The following C12orf42 variants were observed in gnomAD, a reference collection of about 807,000 sequenced individuals.
The protein encoded by C12orf42 is chromosome 12 open reading frame 42.
In C12orf42, 25 loss-of-function variants were observed where a neutral mutation model predicts 21.6. The observed-to-expected ratio is 1.16, with a 90% CI of 0.84 to 1.62. The LOEUF is 1.62. Ranked by LOEUF, C12orf42 falls within the 40% of genes most tolerant of loss-of-function variation. C12orf42 has a pLI of 0.00. For synonymous variants in C12orf42, 174 were observed against 175.0 expected, an observed-to-expected ratio of 0.99 and a Z score of 0.05; for missense variants, 483 against 459.3, an observed-to-expected ratio of 1.05 and a Z score of -0.47.
chr12:103,335,034 T>C (rs966543627), intron 4 of C12orf42, among the ~76,000 whole-genome samples: 11 of 152,222 alleles, frequency 7.2e-5, no homozygotes, highest in Admixed American at 3.9e-4. Context: ...GTATGTTTCA[T>C]TGCTTTGTTT....
At chr12:103,329,416 A>T (rs1382624148) in intron 4 of C12orf42, among the ~76,000 whole-genome samples, 1 of 152,160 alleles carries the variant, frequency 6.6e-6, no homozygotes, top group Non-Finnish European at 1.5e-5. Context: ...GCATTGGGAC[A>T]AATACCTAAT....
chr12:103,472,339 C>A (rs2137897659), intron 2 of C12orf42, among the ~76,000 whole-genome samples: 1 of 152,130 alleles, frequency 6.6e-6, no homozygotes, highest in South Asian at 2.1e-4. Context: ...CAGGCGTGAG[C>A]CACCGCACCC....
chr12:103,421,743 C>T (rs1276642892), intron 2 of C12orf42, among the ~76,000 whole-genome samples: 2 of 152,086 alleles, frequency 1.3e-5, no homozygotes, highest in Non-Finnish European at 2.9e-5. Flanking sequence ...TACCGTTGGG[C>T]TATAATTCCC....
the C12orf42 span, among the ~76,000 whole-genome samples, chr12:103,199,603 T>A: frequency 6.6e-6 from 1 of 152,138 alleles, no homozygotes; most frequent in Non-Finnish European, 1.5e-5. Flanking sequence ...AGAACTTCTA[T>A]AACTCAATAG....
intron 4 of C12orf42, among the ~76,000 whole-genome samples, chr12:103,352,817 T>TA (rs1478402923): frequency 6.6e-6 from 1 of 152,154 alleles, no homozygotes; most frequent in East Asian, 1.9e-4. Flanking sequence ...TAGGATTTTT[T>TA]ATGAGGATTA....
downstream of C12orf42, among the ~76,000 whole-genome samples, chr12:103,264,372 T>C (rs2035061098): frequency 6.6e-6 from 1 of 152,096 alleles, no homozygotes; most frequent in Non-Finnish European, 1.5e-5. Flanking sequence ...TAATTCAGAG[T>C]GGGCTGCTCA....
At chr12:103,330,907 G>A (rs1028764160) in intron 4 of C12orf42, among the ~76,000 whole-genome samples, 3 of 152,252 alleles carry the variant, frequency 2.0e-5, no homozygotes, top group East Asian at 1.9e-4. Flanking sequence ...ATTGAAGTCC[G>A]CTACTGAATA....
chr12:103,386,213 G>C (rs1301831293), intron 3 of C12orf42, among the ~76,000 whole-genome samples: 1 of 152,170 alleles, frequency 6.6e-6, no homozygotes, highest in Non-Finnish European at 1.5e-5. Context: ...CCTAGGGTCT[G>C]TCTGCATAAT....
the C12orf42 span, among the ~76,000 whole-genome samples, chr12:103,122,516 G>A: frequency 6.6e-6 from 1 of 152,162 alleles, no homozygotes; most frequent in Non-Finnish European, 1.5e-5. Flanking sequence ...GGATGATAGG[G>A]AGTGTTGGTA....
chr12:103,113,381 GT>G, the C12orf42 span, among the ~76,000 whole-genome samples: 1 of 152,224 alleles, frequency 6.6e-6, no homozygotes, highest in Non-Finnish European at 1.5e-5. Flanking sequence ...GAAGGAAGGT[GT>G]TTGGGGGCTG....
Position 103,416,559 on chromosome 12 carries a change from G to A in C12orf42, c.79-14884C>T, listed in dbSNP as rs149830470. On this transcript the variant is annotated intron_variant, in intron 2 of 5. Transcript: ENST00000548883. ...AAGAAAGCATTAAAGCATCCCACCC[G>A]AGACCACCACCAAAAAGGATTGTGT... Among the ~76,000 whole-genome samples the A allele has an allele frequency of 1.2e-3, 179 of 151,614 alleles. No individual in the cohort carries two copies. In the Middle Eastern group the frequency reaches 0.014, roughly 12 times the overall value.
At chr12:103,064,459 T>A in the C12orf42 span, among the ~76,000 whole-genome samples, 2 of 152,342 alleles carry the variant, frequency 1.3e-5, no homozygotes, top group East Asian at 3.9e-4. Context: ...TTCCTAGAAG[T>A]GAAATTGACA....
intron 3 of C12orf42, among the ~76,000 whole-genome samples, chr12:103,376,667 T>C (rs1443705839): frequency 6.6e-6 from 1 of 152,194 alleles, no homozygotes; most frequent in Non-Finnish European, 1.5e-5. Flanking sequence ...CTGGGAGATG[T>C]TTGTTTTATT....
At chr12:103,096,302 A>T in the C12orf42 span, among the ~76,000 whole-genome samples, 2 of 152,230 alleles carry the variant, frequency 1.3e-5, no homozygotes, top group Non-Finnish European at 2.9e-5. Flanking sequence ...TAAGAATGGA[A>T]TAATTTTTTT....
At chr12:103,300,870 T>C (rs563210944), downstream of C12orf42, among the ~76,000 whole-genome samples, 2 of 152,264 alleles carry the variant, frequency 1.3e-5, no homozygotes, top group Admixed American at 1.3e-4. Flanking sequence ...CATTGTCTTA[T>C]AATAAACCAT....
chr12:103,072,444 TA>T, the C12orf42 span, among the ~76,000 whole-genome samples: 1,219 of 140,284 alleles, frequency 8.7e-3, 9 homozygotes, highest in East Asian at 0.027. Flanking sequence ...TGTTCTCAGC[TA>T]AAAAAAAAAA....
intron 2 of C12orf42, chr12:103,431,302 A>G (rs761965279): frequency 1.2e-4 from 19 of 152,302 alleles, no homozygotes; most frequent in African/African-American, 3.6e-4. Flanking sequence ...ATCACACCTA[A>G]AAGTGATGGA....
the C12orf42 span, among the ~76,000 whole-genome samples, chr12:103,230,570 T>C: frequency 2.0e-5 from 3 of 152,338 alleles, no homozygotes; most frequent in East Asian, 5.8e-4. Flanking sequence ...TTTTAACATG[T>C]GTCCATCACA....
chr12:103,171,043 C>T, the C12orf42 span, among the ~76,000 whole-genome samples: 1 of 152,098 alleles, frequency 6.6e-6, no homozygotes, highest in Non-Finnish European at 1.5e-5. Flanking sequence ...GATTTCTGTA[C>T]TGTTTCTAGG....
Sources: gnomAD v4.1 joint callset for allele counts (sites outside exome capture counted in the v4.1 genomes callset) on GRCh38, gnomAD v4.1.1 for gene constraint, MANE v1.5 for transcripts, NCBI Gene and HGNC (gene_info 2026-07-23, HGNC 2026-07-21) for gene names.